Variants in ATAD2B observed in about 807,000 individuals in gnomAD.
ATAD2B encodes the protein ATPase family AAA domain containing 2B.
Under a neutral mutation model 167.6 loss-of-function variants are expected in ATAD2B, and 40 were observed. The observed-to-expected ratio is 0.24, with a 90% CI of 0.19 to 0.31. The LOEUF is 0.31. Among genes scored for constraint, ATAD2B ranks in the 10% least tolerant of loss-of-function variants. The pLI, the probability that ATAD2B is intolerant of heterozygous loss-of-function variation, is 1.00. For missense variants in ATAD2B, 1,242 were observed against 1,757.2 expected (o/e 0.71, Z 5.24); for synonymous variants, 579 against 596.5 (o/e 0.97, Z 0.43).
At chr2:23,737,591 TG>T in the ATAD2B span, among the ~76,000 whole-genome samples, 989 of 151,826 alleles carry the variant, frequency 6.5e-3, 6 homozygotes, top group Middle Eastern at 0.031. Flanking sequence ...ACCACAAAGA[TG>T]GGGGAAAAAA....
intron 8 of ATAD2B, among the ~76,000 whole-genome samples, chr2:23,873,445 A>T (rs1442939849): frequency 6.6e-6 from 1 of 152,236 alleles, no homozygotes; most frequent in Non-Finnish European, 1.5e-5. Flanking sequence ...CCCTTACATA[A>T]AAATAGTATA....
At chr2:23,910,382 T>G (rs941299525) in intron 1 of ATAD2B, among the ~76,000 whole-genome samples, 1 of 150,764 alleles carries the variant, frequency 6.6e-6, no homozygotes, top group East Asian at 2.0e-4. Flanking sequence ...TTCTCCATGT[T>G]GGTCAGGCTG....
intron 22 of ATAD2B, among the ~76,000 whole-genome samples, chr2:23,774,385 G>A (rs935591432): frequency 6.6e-5 from 10 of 152,100 alleles, no homozygotes; most frequent in Non-Finnish European, 1.2e-4. Context: ...TGCCCAGGAG[G>A]TCAAGGCTGC....
chr2:23,769,527 T>G (rs200035733), intron 22 of ATAD2B, among the ~76,000 whole-genome samples: 1 of 152,038 alleles, frequency 6.6e-6, no homozygotes, highest in Non-Finnish European at 1.5e-5. Flanking sequence ...TATGGAGGGA[T>G]GACTATAATA....
At chr2:23,808,076 A>ATTATATATATAATTATATAT (rs1558569604) in intron 18 of ATAD2B, among the ~76,000 whole-genome samples, 1 of 133,312 alleles carries the variant, frequency 7.5e-6, no homozygotes, top group African/African-American at 2.8e-5. Flanking sequence ...ATAATATATA[A>ATTATATATATAATTATATAT]GTAATTATAT....
chr2:23,870,229 T>C (rs982133071), intron 8 of ATAD2B, among the ~76,000 whole-genome samples: 1 of 138,180 alleles, frequency 7.2e-6, no homozygotes, highest in Non-Finnish European at 1.6e-5. Flanking sequence ...AAAAGGAGAA[T>C]AGAAAGCCTA....
chr2:23,760,944 T>C (rs962672083), intron 24 of ATAD2B, among the ~76,000 whole-genome samples: 1 of 152,158 alleles, frequency 6.6e-6, no homozygotes, highest in African/African-American at 2.4e-5. Context: ...AGAAAAATTA[T>C]GGGTCGCATA....
rs1676143495 is a variant in ATAD2B at position 23,757,927 on chromosome 2, C to A, written c.3569G>T (p.Cys1190Phe). The change falls in exon 25 of 28, where the codon TGC (cysteine) becomes TTC (phenylalanine). Residue 1190 changes from cysteine (C) to phenylalanine (F), a missense_variant. Physicochemically the swap from Cys to Phe is radical, Grantham distance 205. Transcript: ENST00000238789. ...ENGEFEVSTD[C>F]HEENGEETGD... Reference sequence around the variant, plus strand: ...AGTCTCTTCTCCATTTTCCTCATGGCAGTCAGTGCTTACCTCAAACTCTCC... The same window carrying A: ...AGTCTCTTCTCCATTTTCCTCATGGAAGTCAGTGCTTACCTCAAACTCTCC... The A allele has an allele frequency of 1.9e-6, 3 of 1,611,394 alleles. No homozygotes were observed. The highest frequency in any genetic ancestry group is 8.5e-7 in the Non-Finnish European group (1 of 1,179,192).
Position 23,823,305 on chromosome 2 carries a change from T to G in ATAD2B, c.2084A>C (p.Gln695Pro), listed in dbSNP as rs1287637816. 1.2e-6 allele frequency: 2 copies of G among 1,613,588 alleles called. No individual in the cohort carries two copies. The highest frequency in any genetic ancestry group is 1.7e-6 in the Non-Finnish European group (2 of 1,179,610). Residue 695 changes from glutamine to proline, a missense_variant, in exon 16 of 28, where the codon CAA becomes CCA. Gln to Pro is a moderately conservative substitution (Grantham distance 76). Coordinates refer to ENST00000238789, the MANE Select transcript of ATAD2B (RefSeq NM_017552.4). ...RSFNNILAVLQKVFPHAEISQ... is the reference protein window; with the variant it reads ...RSFNNILAVLPKVFPHAEISQ... The stretch of plus-strand genomic sequence containing the variant: ...AATTTCAGCATGAGGAAACACTTTT[T>G]GCAAGACTGCTAGGATGTTGTTGAA...
chr2:23,923,953 C>T (rs571989404), intron 1 of ATAD2B, among the ~76,000 whole-genome samples: 18 of 152,116 alleles, frequency 1.2e-4, no homozygotes, highest in African/African-American at 3.1e-4. Context: ...GAGGCCGAGG[C>T]GGGCTGATGA....
chr2:23,922,484 G>GA (rs111564340), intron 1 of ATAD2B, among the ~76,000 whole-genome samples: 27,784 of 149,284 alleles, frequency 0.19, 2,624 homozygotes, highest in Middle Eastern at 0.26. Flanking sequence ...GATAAGAGAG[G>GA]AAAAAAAAAT....
chr2:23,687,486 C>T, the ATAD2B span, among the ~76,000 whole-genome samples: 1 of 152,242 alleles, frequency 6.6e-6, no homozygotes, highest in Admixed American at 6.5e-5. Context: ...TCAAGTCACT[C>T]ACTGGCTCGT....
At chr2:23,718,927 T>C in the ATAD2B span, among the ~76,000 whole-genome samples, 2 of 152,236 alleles carry the variant, frequency 1.3e-5, no homozygotes, top group African/African-American at 4.8e-5. Flanking sequence ...ATGAGGATCC[T>C]TGTGATTACA....
the ATAD2B span, chr2:23,684,413 T>C: frequency 2.6e-6 from 4 of 1,539,512 alleles, no homozygotes; most frequent in Admixed American, 4.2e-5. This position sits in a 1 kb window ranked among gnomAD's most constrained non-coding sequence, Gnocchi z 4.4. Flanking sequence ...GTTGAAGGAA[T>C]TGAACCAGCA....
intron 12 of ATAD2B, among the ~76,000 whole-genome samples, chr2:23,859,572 T>C (rs1239105933): frequency 2.0e-5 from 3 of 148,954 alleles, no homozygotes; most frequent in Non-Finnish European, 4.6e-5. Flanking sequence ...GAAATGCAAA[T>C]ATTTTTCTGC....
At position 23,749,061 on chromosome 2, in the gene ATAD2B, T is replaced by C. The variant is rs1021872232; in HGVS notation, c.*2985A>G. On this transcript the variant is annotated 3_prime_UTR_variant, in exon 28 of 28. Transcript: ENST00000238789. ...GATACCTACTGAATAGCACCATAGC[T>C]GAACCAACTTAATCAAAAAAGGGAA... The C allele has an allele frequency of 6.6e-6, 1 of 151,998 alleles. No homozygotes were observed. The highest frequency in any genetic ancestry group is 6.6e-5 in the Admixed American group (1 of 15,238). 9.4% of individuals were successfully genotyped at this position (151,998 alleles called of 1,614,324 possible). A position where few individuals can be genotyped will look rare whatever the true frequency, so the allele number is the denominator to read the frequency against.
intron 8 of ATAD2B, among the ~76,000 whole-genome samples, chr2:23,871,242 G>A (rs1048337300): frequency 2.6e-5 from 4 of 151,004 alleles, no homozygotes; most frequent in East Asian, 1.9e-4. Context: ...CCTAGGTTTC[G>A]CTTACCACCT....
chr2:23,801,634 T>C (rs1338395063), intron 18 of ATAD2B, among the ~76,000 whole-genome samples: 1 of 152,134 alleles, frequency 6.6e-6, no homozygotes, highest in Non-Finnish European at 1.5e-5. Flanking sequence ...TTTGATTCTT[T>C]ATTACAACAT....
At chr2:23,687,794 T>C in the ATAD2B span, among the ~76,000 whole-genome samples, 1 of 152,124 alleles carries the variant, frequency 6.6e-6, no homozygotes, top group East Asian at 1.9e-4. Flanking sequence ...TCCACGTTGC[T>C]GCAGGGCCGG....
Sources: allele counts gnomAD v4.1 joint callset (sites outside exome capture counted in the v4.1 genomes callset), GRCh38; gene constraint gnomAD v4.1.1; non-coding constraint Gnocchi (gnomAD v3.1); transcripts MANE v1.5; gene names NCBI Gene and HGNC (gene_info 2026-07-23, HGNC 2026-07-21).